TKFC: variants seen among roughly 807,000 people sequenced by gnomAD.
TKFC encodes triokinase and FMN cyclase, also known as triokinase/FMN cyclase.
Under a neutral mutation model 61.0 loss-of-function variants are expected in TKFC, and 46 were observed. That is an observed-to-expected ratio of 0.75 (90% CI 0.60 to 0.96). The LOEUF (loss-of-function observed/expected upper bound fraction) is 0.96. Ranked by LOEUF, TKFC falls within the 50% of genes least tolerant of loss-of-function variation. TKFC has a pLI of 0.00. For missense variants in TKFC, 715 were observed against 777.5 expected, an observed-to-expected ratio of 0.92 and a Z score of 0.96; for synonymous variants, 314 against 330.1, an observed-to-expected ratio of 0.95 and a Z score of 0.53.
In TKFC at chr11:61,345,480, A is replaced by T; in HGVS notation, c.1366A>T (p.Thr456Ser). The T allele has an allele frequency of 6.2e-7, 1 of 1,613,324 alleles. No individual in the cohort carries two copies. Among genetic ancestry groups the T allele is most frequent in the Non-Finnish European group, 8.5e-7 (1 of 1,180,008 alleles). ...TCCCCAGCTCTATGGCCTGTTCCTG[A>T]CTGCGGCTGCACAGCCCCTGAAGGC... Reference protein sequence around the residue: ...SSGALYGLFLTAAAQPLKAKT... With the variant: ...SSGALYGLFLSAAAQPLKAKT... The change falls in exon 15 of 18, where the codon ACT becomes TCT. Residue 456 changes from threonine (T) to serine (S), a missense_variant. Transcript: ENST00000394900.
chr11:61,339,655 A>G, intron 5 of TKFC: 3 of 566,894 alleles, frequency 5.3e-6, no homozygotes, highest in Non-Finnish European at 9.3e-6. Context: ...ACACCCAATC[A>G]GTTGCCCGGT....
chr11:61,341,974 T>C, intron 7 of TKFC, 62 bp downstream of exon 7: 1 of 1,495,574 alleles, frequency 6.7e-7, no homozygotes, highest in Non-Finnish European at 9.2e-7. Flanking sequence ...TTGCCCACCT[T>C]GCATACCCTT....
rs903580419 is a variant in TKFC at position 61,346,471 on chromosome 11, C to T, written c.1696C>T (p.Leu566Phe). 8 of 1,609,208 alleles carry T rather than the reference C, an allele frequency of 5.0e-6. No individual in the cohort carries two copies. The highest frequency in any genetic ancestry group is 6.8e-6 in the Non-Finnish European group (8 of 1,179,094). ...DPGAVAAAAI[L>F]RAILEVLQS ...CGGGGCGGTGGCAGCTGCTGCCATC[C>T]TCCGGGCCATCTTGGAGGTCTTGCA... Residue 566 changes from leucine to phenylalanine, a missense_variant, in exon 18 of 18, where the codon CTC becomes TTC. Leu to Phe is a conservative substitution (Grantham distance 22). Transcript: ENST00000394900. This position sits in a 1 kb window ranked among gnomAD's most constrained non-coding sequence, Gnocchi z 4.1.
At chr11:61,352,899 G>C (rs775911046), downstream of TKFC, 1 of 1,606,956 alleles carries the variant, frequency 6.2e-7, no homozygotes, top group South Asian at 1.1e-5. Context: ...TCCTCCCTTG[G>C]GTGAGTCCTG....
rs1243625257 is a variant in TKFC, at chr11:61,344,149, G to A, written c.1116G>A (p.Lys372=). 1.2e-6 allele frequency: 2 copies of A among 1,612,206 alleles called. No homozygotes were observed. Among genetic ancestry groups the A allele is most frequent in the East Asian group, 2.2e-5 (1 of 44,890 alleles). ...DSTAAGGSAS[K]RMALVLERVC... is the part of the protein sequence containing the mutation. ...CTCCCTTTCTAGGCTCAGCCTCGAAGCGGATGGCGCTGGTGCTGGAACGGG... is the reference window on the plus strand; with the variant it reads ...CTCCCTTTCTAGGCTCAGCCTCGAAACGGATGGCGCTGGTGCTGGAACGGG... The change falls in exon 13 of 18, where the codon AAG becomes AAA. Residue 372 remains lysine, a synonymous_variant. Transcript: ENST00000394900.
In TKFC at chr11:61,342,571, C is replaced by G. The variant is rs977475509; in HGVS notation, c.691-3C>G. 1.2e-6 allele frequency: 2 copies of G among 1,613,968 alleles called. No homozygotes were observed. The highest frequency in any genetic ancestry group is 8.5e-7 in the Non-Finnish European group (1 of 1,180,042). ...GCAGCTCATTCCTGGCTCCCTCTGA[C>G]AGATGGCAACCGCCGATGAGATTGT... On this transcript the variant is annotated splice_polypyrimidine_tract_variant and splice_region_variant and intron_variant, in intron 8 of 17. Coordinates refer to ENST00000394900, the MANE Select transcript of TKFC (RefSeq NM_015533.4).
chr11:61,352,919 G>C, downstream of TKFC: 2 of 1,612,866 alleles, frequency 1.2e-6, no homozygotes, highest in Non-Finnish European at 1.7e-6. Context: ...GTGATCACAG[G>C]GTGTATCTTT....
chr11:61,343,563 C>T, intron 11 of TKFC, 105 bp downstream of exon 11: 2 of 1,087,224 alleles, frequency 1.8e-6, no homozygotes, highest in Non-Finnish European at 2.7e-6. Flanking sequence ...AATCAGGGCT[C>T]TGGAGCCTGT....
chr11:61,341,848 C>G lies in TKFC; in HGVS notation c.591C>G (p.Ser197=). Reference sequence around the variant, plus strand: ...GTACCCTGGGGGTGAGCTTATCCTCCTGCAGCGTCCCTGGTTCCAAACCCA... The same window carrying G: ...GTACCCTGGGGGTGAGCTTATCCTCGTGCAGCGTCCCTGGTTCCAAACCCA... The part of the protein sequence containing the change: ...AMGTLGVSLS[S]CSVPGSKPTF... Residue 197 remains serine, a synonymous_variant, in exon 7 of 18, where the codon TCC becomes TCG. Coordinates refer to ENST00000394900, the MANE Select transcript of TKFC (RefSeq NM_015533.4). 6.2e-7 allele frequency: 1 copy of G among 1,613,976 alleles called. No homozygotes were observed. Among genetic ancestry groups the G allele is most frequent in the African/African-American group, 1.3e-5 (1 of 74,996 alleles).
In TKFC at chr11:61,345,538, T is replaced by C. The variant is rs753138185; in HGVS notation, c.1424T>C (p.Met475Thr). 8.1e-6 allele frequency: 13 copies of C among 1,613,196 alleles called. No individual in the cohort carries two copies. The highest frequency in any genetic ancestry group is 9.3e-6 in the Non-Finnish European group (11 of 1,180,028). ...AGCCTCCCAGCCTGGTCTGCTGCCA[T>C]GGATGCCGGCCTGGAAGCCATGCAG... ...KTSLPAWSAA[M>T]DAGLEAMQKY... Residue 475 changes from methionine (M) to threonine (T), a missense_variant, in exon 15 of 18, where the codon ATG becomes ACG. Transcript: ENST00000394900.
chr11:61,347,236 G>A lies in TKFC; in HGVS notation c.*733G>A. ...AGAAATCATCATAGTCTAAGGTTCA[G>A]TTGTAGATCAAAAAATGCAGCCAGG... On this transcript the variant is annotated 3_prime_UTR_variant, in exon 18 of 18. Transcript: ENST00000394900. 2.0e-6 allele frequency: 2 copies of A among 985,466 alleles called. No individual in the cohort carries two copies. The highest frequency in any genetic ancestry group is 2.4e-6 in the Non-Finnish European group (2 of 829,980). 61.0% of individuals were successfully genotyped at this position (985,466 alleles called of 1,614,324 possible).
Position 61,338,018 on chromosome 11 carries a change from C to T in TKFC, c.81C>T (p.Asn27=), listed in dbSNP as rs775213937. ...CTGGCCTGGTGGCCTGCAACCCCAA[C>T]CTGCAGCTCCTGCAGGGCCACCGCG... ...ALAGLVACNP[N]LQLLQGHRVA... Residue 27 remains asparagine, a synonymous_variant, in exon 3 of 18, where the codon AAC becomes AAT. Transcript: ENST00000394900. The T allele has an allele frequency of 2.5e-6, 4 of 1,613,590 alleles. No individual in the cohort carries two copies. Among genetic ancestry groups the T allele is most frequent in the African/African-American group, 2.7e-5 (2 of 74,924 alleles).
At chr11:61,343,561 C>T in intron 11 of TKFC, 103 bp downstream of exon 11, 1 of 1,090,620 alleles carries the variant, frequency 9.2e-7, no homozygotes, top group Non-Finnish European at 1.4e-6. Flanking sequence ...ACAATCAGGG[C>T]TCTGGAGCCT....
chr11:61,353,252 A>C, downstream of TKFC: 1 of 1,354,112 alleles, frequency 7.4e-7, no homozygotes, highest in Non-Finnish European at 9.9e-7. Context: ...TCACAACTCA[A>C]ACCTTCCCAC....
At chr11:61,345,186 C>T (rs1460056013) in intron 13 of TKFC, 74 bp from the exon 14 acceptor site, 67 of 1,306,844 alleles carry the variant, frequency 5.1e-5, no homozygotes, top group Non-Finnish European at 6.9e-5. Context: ...TTCCAGCCTT[C>T]ATTGGTGCTG....
intron 5 of TKFC, among the ~76,000 whole-genome samples, chr11:61,340,627 T>G (rs61895904): frequency 0.88 from 27,941 of 31,772 alleles, 12,830 homozygotes; most frequent in Middle Eastern, 1. Context: ...GTGCTGGGAT[T>G]ACAGGCGTGA....
intron 13 of TKFC, 47 bp downstream of exon 13, chr11:61,344,320 G>T: frequency 6.4e-7 from 1 of 1,567,996 alleles, no homozygotes. Context: ...CAAAACCTTA[G>T]CCCCCCTTCC....
intron 13 of TKFC, among the ~76,000 whole-genome samples, chr11:61,345,057 G>A (rs575553988): frequency 6.3e-4 from 96 of 152,206 alleles, no homozygotes; most frequent in Middle Eastern, 3.2e-3. Flanking sequence ...GGAGGGCTTC[G>A]GGGCAGGCCT....
At position 61,344,262 on chromosome 11, in the gene TKFC, G is replaced by T; in HGVS notation, c.1229G>T (p.Arg410Leu). 1.2e-6 allele frequency: 2 copies of T among 1,612,864 alleles called. No homozygotes were observed. The highest frequency in any genetic ancestry group is 1.7e-4 in the Middle Eastern group (1 of 5,750). ...GDGDCGTTHS[R>L]AARAIQEWLK... Reference sequence around the variant, plus strand: ...GGCGACTGTGGCACCACCCACAGCCGTGCGGCCAGAGGTTGGTGCCAGGGA... The same window carrying T: ...GGCGACTGTGGCACCACCCACAGCCTTGCGGCCAGAGGTTGGTGCCAGGGA... The change falls in exon 13 of 18, where the codon CGT (arginine) becomes CTT (leucine). Residue 410 changes from arginine to leucine, a missense_variant. Coordinates refer to ENST00000394900, the MANE Select transcript of TKFC (RefSeq NM_015533.4).
Sources: gnomAD v4.1 joint callset for allele counts (sites outside exome capture counted in the v4.1 genomes callset) on GRCh38, gnomAD v4.1.1 for gene constraint, Gnocchi (gnomAD v3.1) non-coding constraint, MANE v1.5 for transcripts, NCBI Gene and HGNC (gene_info 2026-07-23, HGNC 2026-07-21) for gene names.